IGF1R: variants seen among roughly 807,000 people sequenced by gnomAD.
The protein encoded by IGF1R is insulin-like growth factor 1 receptor.
In IGF1R, 44 loss-of-function variants were observed where a neutral mutation model predicts 144.6. The ratio of observed to expected loss-of-function variants is 0.30; its 90% CI spans 0.24 to 0.39. The LOEUF is 0.39. Among genes scored for constraint, IGF1R ranks in the 10% least tolerant of loss-of-function variants. IGF1R has a pLI of 1.00. For missense variants in IGF1R, 1,355 were observed against 1,833.7 expected (o/e 0.74, Z 4.77); for synonymous variants, 795 against 722.8 (o/e 1.10, Z -1.60).
rs1222573938 is a variant in IGF1R, at chr15:98,924,525, G to A, written c.2623G>A (p.Asp875Asn). Residue 875 changes from aspartate to asparagine, a missense_variant and splice_region_variant, in exon 13 of 21, where the codon GAT becomes AAT. Asp to Asn is a conservative substitution (Grantham distance 23). Around this residue, in one of 7 missense-constraint regions of IGF1R, gnomAD observed 880 missense variants for 1,202.7 expected, o/e 0.73. Coordinates refer to ENST00000650285, the MANE Select transcript of IGF1R (RefSeq NM_000875.5). ...YEIKYGSQVE[D>N]QRECVSRQEY... is the part of the protein sequence containing the mutation. The stretch of plus-strand genomic sequence containing the variant: ...TGACATGTATGTTTTATTTCCCCAG[G>A]ATCAGCGAGAATGTGTGTCCAGACA... 6.2e-7 allele frequency: 1 copy of A among 1,614,140 alleles called. No individual in the cohort carries two copies.
intron 7 of IGF1R, among the ~76,000 whole-genome samples, chr15:98,911,813 T>C (rs979966931): frequency 1.3e-5 from 2 of 152,194 alleles, no homozygotes; most frequent in Non-Finnish European, 2.9e-5. Context: ...CCTCCTTACC[T>C]ACTAGGCCTA....
chr15:98,680,864 C>CTTTTTTTTTT, intron 1 of IGF1R, among the ~76,000 whole-genome samples: 1 of 142,542 alleles, frequency 7.0e-6, no homozygotes, highest in Non-Finnish European at 1.5e-5. Context: ...GCCATATGTA[C>CTTTTTTTTTT]TTTTTTTTTT....
chr15:98,694,059 ATGTGTCCTTT>A (rs1177452205), intron 1 of IGF1R, among the ~76,000 whole-genome samples: 1 of 152,162 alleles, frequency 6.6e-6, no homozygotes, highest in African/African-American at 2.4e-5. Context: ...CCATTTGGAA[ATGTGTCCTTT>A]ATCTGGTAGC....
chr15:98,824,842 CTT>C (rs367882753), intron 2 of IGF1R, among the ~76,000 whole-genome samples: 2 of 146,216 alleles, frequency 1.4e-5, no homozygotes, highest in African/African-American at 2.5e-5. Context: ...TTTTCTTCTT[CTT>C]TTTTTTTTTT....
chr15:98,922,109 T>A (rs1408990734), intron 10 of IGF1R, 39 bp from the exon 11 acceptor site: 1 of 1,611,448 alleles, frequency 6.2e-7, no homozygotes, highest in African/African-American at 1.3e-5. Flanking sequence ...ACAAAAGAGG[T>A]AAAAGTACTT....
chr15:98,786,954 C>T (rs1456734190), intron 2 of IGF1R, among the ~76,000 whole-genome samples: 2 of 152,210 alleles, frequency 1.3e-5, no homozygotes, highest in East Asian at 1.9e-4. Context: ...GAGGATTGCT[C>T]AGAGCCTGGG....
chr15:98,683,104 A>C (rs1485379292), intron 1 of IGF1R, among the ~76,000 whole-genome samples: 4 of 151,574 alleles, frequency 2.6e-5, no homozygotes, highest in African/African-American at 9.7e-5. Flanking sequence ...GGGATTCTTT[A>C]AGGGCAGGCA....
Position 98,924,605 on chromosome 15 carries a change from C to T in IGF1R, c.2703C>T (p.Tyr901=), listed in dbSNP as rs1461303498. The T allele has an allele frequency of 1.9e-6, 3 of 1,613,942 alleles. No homozygotes were observed. The highest frequency in any genetic ancestry group is 1.7e-5 in the Admixed American group (1 of 60,010). Residue 901 remains tyrosine (Y), a synonymous_variant, in exon 13 of 21, where the codon TAC becomes TAT. Transcript: ENST00000650285. ...TAAACCGGCTAAACCCGGGGAACTA[C>T]ACAGCCCGGATTCAGGCCACATCTC... ...AKLNRLNPGN[Y]TARIQATSLS...
intron 2 of IGF1R, among the ~76,000 whole-genome samples, chr15:98,869,902 C>T (rs960748998): frequency 6.6e-6 from 1 of 152,128 alleles, no homozygotes; most frequent in Non-Finnish European, 1.5e-5. Flanking sequence ...GTAAGGCTCT[C>T]TGGGAGGAGC....
intron 2 of IGF1R, among the ~76,000 whole-genome samples, chr15:98,747,040 G>C (rs897178837): frequency 6.6e-6 from 1 of 152,198 alleles, no homozygotes; most frequent in Admixed American, 6.5e-5. Flanking sequence ...CAAGCTATCA[G>C]TTATTTAACT....
At chr15:98,708,846 A>G (rs1188252726) in intron 2 of IGF1R, among the ~76,000 whole-genome samples, 1 of 152,218 alleles carries the variant, frequency 6.6e-6, no homozygotes, top group Non-Finnish European at 1.5e-5. Flanking sequence ...AGATTTCACG[A>G]GTGAAGGAAC....
At chr15:98,819,633 A>C (rs1165036253) in intron 2 of IGF1R, among the ~76,000 whole-genome samples, 1 of 152,242 alleles carries the variant, frequency 6.6e-6, no homozygotes, top group African/African-American at 2.4e-5. Flanking sequence ...ATAGGTGCCC[A>C]GACAGGCTAG....
At chr15:98,827,775 G>T (rs1302958022) in intron 2 of IGF1R, among the ~76,000 whole-genome samples, 1 of 152,128 alleles carries the variant, frequency 6.6e-6, no homozygotes, top group African/African-American at 2.4e-5. Flanking sequence ...TAGAGATGGG[G>T]TTTCACCATG....
chr15:98,941,197 AC>A lies in IGF1R; in HGVS notation c.3458-1722del, dbSNP rs71455102. On this transcript the variant is annotated intron_variant, in intron 18 of 20. Transcript: ENST00000650285. ...CGGAAATAGGGTGATAATGTAACAG[AC>A]CCCATGGGGTTATGAGAAGGACTTG... 3.1e-3 allele frequency among the ~76,000 whole-genome samples: 479 copies of A among 152,160 alleles called. 2 individuals carry two copies. Among genetic ancestry groups the A allele is most frequent in the Non-Finnish European group, 5.5e-3 (374 of 68,010 alleles).
intron 2 of IGF1R, among the ~76,000 whole-genome samples, chr15:98,846,354 G>T (rs917774081): frequency 1.3e-5 from 2 of 152,166 alleles, no homozygotes; most frequent in Non-Finnish European, 2.9e-5. Flanking sequence ...CCAGGATGAA[G>T]ACACAACAGT....
chr15:98,749,806 G>C (rs1208345023), intron 2 of IGF1R, among the ~76,000 whole-genome samples: 4 of 151,812 alleles, frequency 2.6e-5, no homozygotes, highest in Non-Finnish European at 4.4e-5. Flanking sequence ...CATTTTTCTG[G>C]TTAGACTACT....
intron 4 of IGF1R, chr15:98,897,203 C>G (rs2151653393): frequency 4.8e-6 from 2 of 413,926 alleles, no homozygotes; most frequent in South Asian, 4.7e-5. Flanking sequence ...CATACAAACC[C>G]CAGAAGAGAC....
intron 1 of IGF1R, among the ~76,000 whole-genome samples, chr15:98,682,968 A>G (rs1165157859): frequency 6.7e-6 from 1 of 150,270 alleles, no homozygotes; most frequent in Non-Finnish European, 1.5e-5. Flanking sequence ...CCCTCCCTAG[A>G]GTTGATGAAC....
At chr15:98,875,809 C>T (rs55745957) in intron 2 of IGF1R, among the ~76,000 whole-genome samples, 1,964 of 152,268 alleles carry the variant, frequency 0.013, 56 homozygotes, top group African/African-American at 0.045. Context: ...TCTGGGAGCA[C>T]GGTGCTAGGA....
Sources: gnomAD v4.1 joint callset for allele counts (sites outside exome capture counted in the v4.1 genomes callset) on GRCh38, gnomAD v4.1.1 for gene constraint, gnomAD v4.1.1 regional missense constraint, MANE v1.5 for transcripts, NCBI Gene and HGNC (gene_info 2026-07-23, HGNC 2026-07-21) for gene names.